DEPDC1: variants seen among roughly 807,000 people sequenced by gnomAD.
The protein encoded by DEPDC1 is DEP domain-containing protein 1A.
In DEPDC1, 66 loss-of-function variants were observed where a neutral mutation model predicts 86.8. The ratio of observed to expected loss-of-function variants is 0.76; its 90% CI spans 0.62 to 0.93. The LOEUF (loss-of-function observed/expected upper bound fraction) is 0.93. DEPDC1 is among the 40% of genes least tolerant of loss of function. The pLI, the probability that DEPDC1 is intolerant of heterozygous loss-of-function variation, is 0.00. For missense variants in DEPDC1, 792 were observed against 935.7 expected (o/e 0.85, Z 2.00); for synonymous variants, 255 against 314.9 (o/e 0.81, Z 2.02).
rs988070338 is a variant in DEPDC1 at position 68,488,982 on chromosome 1, G to A, written c.524C>T (p.Ala175Val). The A allele has an allele frequency of 2.5e-6, 4 of 1,605,222 alleles. No individual in the cohort carries two copies. The highest frequency in any genetic ancestry group is 1.7e-5 in the Admixed American group (1 of 59,628). ...CTGGCTTAGTTCTCTATTATCAATT[G>A]CATTTTCTTGATCTTCATTGATTAT... ...HEIINEDQENAIDNRELSQED... is the reference protein window; with the variant it reads ...HEIINEDQENVIDNRELSQED... The change falls in exon 4 of 12, where the codon GCA becomes GTA. Residue 175 changes from alanine (A) to valine (V), a missense_variant. Transcript: ENST00000456315.
intron 1 of DEPDC1, among the ~76,000 whole-genome samples, chr1:68,495,169 T>A (rs1646257062): frequency 6.6e-6 from 1 of 152,106 alleles, no homozygotes; most frequent in Non-Finnish European, 1.5e-5. Context: ...TATCTTACAC[T>A]GCTTTCTTTT....
chr1:68,483,736 T>G (rs1479988758), intron 7 of DEPDC1, among the ~76,000 whole-genome samples: 3 of 152,048 alleles, frequency 2.0e-5, no homozygotes, highest in African/African-American at 7.2e-5. Context: ...ATCATTGTAG[T>G]GAATTATTGA....
intron 5 of DEPDC1, 77 bp downstream of exon 5, chr1:68,488,297 G>T: frequency 1.5e-6 from 2 of 1,318,492 alleles, no homozygotes; most frequent in Non-Finnish European, 2.0e-6. Flanking sequence ...TTCAATATTT[G>T]GGTCTCTCTT....
At position 68,496,942 on chromosome 1, in the gene DEPDC1, G is replaced by C; in HGVS notation, c.48+10C>G. The C allele has an allele frequency of 6.2e-7, 1 of 1,610,518 alleles. No individual in the cohort carries two copies. The highest frequency in any genetic ancestry group is 8.5e-7 in the Non-Finnish European group (1 of 1,178,094). ...CCGCTGACCGGTCCCGTCTATCCGA[G>C]CTGTCTTACCAGCTTGGTGGCCCGA... On this transcript the variant is annotated intron_variant, in intron 1 of 11. Transcript: ENST00000456315. The surrounding 1 kb of genome is among the most constrained non-coding windows in gnomAD (Gnocchi z 4.0).
At chr1:68,488,879 ACAT>A (rs1032367307) in intron 4 of DEPDC1, 34 bp downstream of exon 4, 1 of 1,183,852 alleles carries the variant, frequency 8.4e-7, no homozygotes, top group African/African-American at 1.5e-5. Context: ...TAATCAGAAC[ACAT>A]CAGGAACTTC....
Position 68,482,078 on chromosome 1 carries a change from A to G in DEPDC1, c.1730T>C (p.Leu577Pro). The change falls in exon 8 of 12, where the codon CTT becomes CCT. Residue 577 changes from leucine (L) to proline (P), a missense_variant. Transcript: ENST00000456315. ...GCCAGTCAACATAGAAGAAGCTGGA[A>G]GTAAAGAATTTTCTGAAAGTTCTAT... is the stretch of plus-strand genomic sequence containing the variant. ...STIELSENSL[L>P]PASSMLTGTQ... The G allele has an allele frequency of 6.2e-7, 1 of 1,602,936 alleles. No individual in the cohort carries two copies. Among genetic ancestry groups the G allele is most frequent in the Non-Finnish European group, 8.5e-7 (1 of 1,176,188 alleles).
rs933076300 is a variant in DEPDC1, at chr1:68,482,185, G to C, written c.1623C>G (p.Gly541=). The change falls in exon 8 of 12, where the codon GGC becomes GGG. Residue 541 remains glycine (G), a synonymous_variant. Transcript: ENST00000456315. ...CCATAGCTGTTTGCACACTTGTGCT[G>C]CCTTGTCCAACATTTGGTTTCATGA... ...EIIMKPNVGQ[G]STSVQTAMES... 8 of 1,612,800 alleles carry C rather than the reference G, an allele frequency of 5.0e-6. No individual in the cohort carries two copies. The African/African-American group carries it at 1.1e-4, about 22-fold the overall frequency.
intron 9 of DEPDC1, 36 bp from the exon 10 acceptor site, chr1:68,479,356 T>C (rs1458318135): frequency 2.0e-6 from 3 of 1,468,754 alleles, no homozygotes. Context: ...TTTAAAAAGC[T>C]AAGGTTGCAT....
chr1:68,488,310 C>A (rs1201930049), intron 5 of DEPDC1, 64 bp downstream of exon 5: 2 of 1,465,712 alleles, frequency 1.4e-6, no homozygotes, highest in Non-Finnish European at 1.8e-6. Context: ...TCTCTCTTTA[C>A]ACTACTATAG....
chr1:68,497,018 T>C lies in DEPDC1; in HGVS notation c.-19A>G. On this transcript the variant is annotated 5_prime_UTR_variant, in exon 1 of 12. Coordinates refer to ENST00000456315, the MANE Select transcript of DEPDC1 (RefSeq NM_001114120.3). The stretch of plus-strand genomic sequence containing the variant: ...TCTCCATAGGTCTGTCAGCGCCCGG[T>C]GGCGTCCATGGCGGCGAAGGCGACA... The C allele has an allele frequency of 6.2e-7, 1 of 1,610,590 alleles. No homozygotes were observed.
chr1:68,477,447 A>C (rs548664515), intron 11 of DEPDC1, among the ~76,000 whole-genome samples: 2 of 151,864 alleles, frequency 1.3e-5, no homozygotes, highest in South Asian at 4.2e-4. Flanking sequence ...TAAAAATTCT[A>C]AAACAGTGAT....
intron 5 of DEPDC1, 39 bp downstream of exon 5, chr1:68,488,335 G>T (rs372610925): frequency 3.5e-5 from 54 of 1,542,626 alleles, no homozygotes; most frequent in Non-Finnish European, 4.6e-5. Context: ...AACCTTGTTG[G>T]CAAGTTTTTA....
At chr1:68,490,014 C>T (rs1171275704) in intron 2 of DEPDC1, among the ~76,000 whole-genome samples, 1 of 151,826 alleles carries the variant, frequency 6.6e-6, no homozygotes, top group Admixed American at 6.6e-5. Context: ...GTTTTGGCCT[C>T]CTTTTATTTT....
intron 6 of DEPDC1, 149 bp downstream of exon 6, chr1:68,486,788 A>C: frequency 9.8e-7 from 1 of 1,016,782 alleles, no homozygotes. Flanking sequence ...AAATTCCACT[A>C]GACTTTCATT....
In DEPDC1 at chr1:68,496,908, GC is replaced by G. The variant is rs1646269781; in HGVS notation, c.48+43del. ...GGTAAAACTGCGAACAGTGGTGACT[GC>G]CGTCAGCCCGCTGACCGGTCCCGTC... is the stretch of plus-strand genomic sequence containing the variant. On this transcript the variant is annotated intron_variant, in intron 1 of 11. Transcript: ENST00000456315. The surrounding 1 kb of genome is among the most constrained non-coding windows in gnomAD (Gnocchi z 4.0). 2 of 1,577,424 alleles carry G rather than the reference GC, an allele frequency of 1.3e-6. No individual in the cohort carries two copies. The highest frequency in any genetic ancestry group is 3.4e-5 in the Admixed American group (2 of 58,896).
chr1:68,494,003 T>C (rs1646246777), intron 2 of DEPDC1, among the ~76,000 whole-genome samples: 1 of 152,184 alleles, frequency 6.6e-6, no homozygotes. Context: ...CCTGGTCCTG[T>C]TATTTGTCTG....
rs1646112944 is a variant in DEPDC1 at position 68,476,073 on chromosome 1, C to A, written c.*859G>T. Reference sequence around the variant, plus strand: ...CTCTTTAGCTGAATGATTCTATATGCCCTGATTTCAGTGGGTAGTGTTGTT... The same window carrying A: ...CTCTTTAGCTGAATGATTCTATATGACCTGATTTCAGTGGGTAGTGTTGTT... On this transcript the variant is annotated 3_prime_UTR_variant, in exon 12 of 12. Transcript: ENST00000456315. 1.3e-5 allele frequency: 2 copies of A among 151,758 alleles called. No individual in the cohort carries two copies. The highest frequency in any genetic ancestry group is 1.3e-4 in the Admixed American group (2 of 15,208). The allele number at this position is 151,758 out of a possible 1,614,324, so 9.4% of individuals were successfully genotyped here.
intron 1 of DEPDC1, 136 bp from the exon 2 acceptor site, chr1:68,494,831 C>A (rs1646254016): frequency 2.5e-6 from 2 of 804,274 alleles, no homozygotes; most frequent in Non-Finnish European, 3.8e-6. Context: ...AATCATTCAT[C>A]TTATTTGTGC....
Position 68,489,452 on chromosome 1 carries a change from C to A in DEPDC1, c.471G>T (p.Gln157His). 2 of 1,478,972 alleles carry A rather than the reference C, an allele frequency of 1.4e-6. No individual in the cohort carries two copies. Among genetic ancestry groups the A allele is most frequent in the Admixed American group, 2.7e-5 (1 of 37,682 alleles). 91.6% of individuals were successfully genotyped at this position (1,478,972 alleles called of 1,614,324 possible). A position where few individuals can be genotyped will look rare whatever the true frequency, so the allele number is the denominator to read the frequency against. The stretch of plus-strand genomic sequence containing the variant: ...AGTAATTAGTAAAAGGATGTGTTAC[C>A]TGAGATAAATGTAATCCATGCCTTT... ...TPKRHGLHLS[Q>H]ENGEKIKHEI... is the part of the protein sequence containing the mutation. The change falls in exon 3 of 12, where the codon CAG becomes CAT. Residue 157 changes from glutamine (Q) to histidine (H), a missense_variant and splice_region_variant. Coordinates refer to ENST00000456315, the MANE Select transcript of DEPDC1 (RefSeq NM_001114120.3).
Sources: allele counts gnomAD v4.1 joint callset (sites outside exome capture counted in the v4.1 genomes callset), GRCh38; gene constraint gnomAD v4.1.1; non-coding constraint Gnocchi (gnomAD v3.1); transcripts MANE v1.5; gene names NCBI Gene and HGNC (gene_info 2026-07-23, HGNC 2026-07-21).